Variants in COL3A1 observed in about 807,000 individuals in gnomAD.
COL3A1 encodes collagen alpha-1(III) chain.
Under a neutral mutation model 200.9 loss-of-function variants are expected in COL3A1, and 46 were observed. That is an observed-to-expected ratio of 0.23 (90% CI 0.18 to 0.29). COL3A1 has a LOEUF of 0.29. Ranked by LOEUF, COL3A1 falls within the 10% of genes least tolerant of loss-of-function variation. The pLI is 1.00. For missense variants in COL3A1, 1,367 were observed against 1,917.6 expected (o/e 0.71, Z 5.36); for synonymous variants, 650 against 628.0 (o/e 1.03, Z -0.52).
chr2:188,994,908 G>A lies in COL3A1; in HGVS notation c.1455+77G>A. The A allele has an allele frequency of 1.3e-6, 2 of 1,572,024 alleles. No individual in the cohort carries two copies. Among genetic ancestry groups the A allele is most frequent in the Non-Finnish European group, 1.8e-6 (2 of 1,142,810 alleles). On this transcript the variant is annotated intron_variant, in intron 20 of 50. Coordinates refer to ENST00000304636, the MANE Select transcript of COL3A1 (RefSeq NM_000090.4). This position sits in a 1 kb window ranked among gnomAD's most constrained non-coding sequence, Gnocchi z 4.5. ...ATAAAACTACCTTCAGGGTGAGACA[G>A]CCAATTTTTCTTAAGTTGAGTGTTC...
chr2:188,979,694 A>ATC (rs1041094285), intron 1 of COL3A1, among the ~76,000 whole-genome samples: 11 of 151,812 alleles, frequency 7.2e-5, no homozygotes, highest in Non-Finnish European at 4.4e-5. Flanking sequence ...AAATATACCT[A>ATC]TCTAGATTCA....
At chr2:188,993,630 A>AT (rs1219265496) in intron 16 of COL3A1, among the ~76,000 whole-genome samples, 171 bp downstream of exon 16, 1 of 152,206 alleles carries the variant, frequency 6.6e-6, no homozygotes, top group African/African-American at 2.4e-5. Flanking sequence ...ACACATACTG[A>AT]TTTGATTAGT....
rs1234463739 is a variant in COL3A1, at chr2:188,985,850, T to A, written c.447+72T>A. On this transcript the variant is annotated intron_variant, in intron 4 of 50. Coordinates refer to ENST00000304636, the MANE Select transcript of COL3A1 (RefSeq NM_000090.4). ...GTTCATCTTCTTTCTTTACTCGATATTACGTCTCACTATTATGAGTTCTTT... is the reference window on the plus strand; with the variant it reads ...GTTCATCTTCTTTCTTTACTCGATAATACGTCTCACTATTATGAGTTCTTT... The A allele has an allele frequency of 4.0e-6, 4 of 994,378 alleles. No individual in the cohort carries two copies. In the Admixed American group the frequency reaches 7.5e-5, roughly 19 times the overall value. The allele number at this position is 994,378 out of a possible 1,614,324, so 61.6% of individuals were successfully genotyped here.
chr2:189,011,898 G>T lies in COL3A1; in HGVS notation c.*124G>T. The T allele has an allele frequency of 9.3e-7, 1 of 1,079,646 alleles. No homozygotes were observed. The highest frequency in any genetic ancestry group is 1.4e-5 in the South Asian group (1 of 72,102). The allele number at this position is 1,079,646 out of a possible 1,614,324, so 66.9% of individuals were successfully genotyped here. A position where few individuals can be genotyped will look rare whatever the true frequency, so the allele number is the denominator to read the frequency against. ...CAGTTATTTATTTCCAAAATGTTTGGAAACAGTATAATTTGACAAAGAAAA... is the reference window on the plus strand; with the variant it reads ...CAGTTATTTATTTCCAAAATGTTTGTAAACAGTATAATTTGACAAAGAAAA... On this transcript the variant is annotated 3_prime_UTR_variant, in exon 51 of 51. Transcript: ENST00000304636.
intron 1 of COL3A1, among the ~76,000 whole-genome samples, chr2:188,978,389 G>C (rs188981513): frequency 5.2e-4 from 79 of 152,036 alleles, no homozygotes; most frequent in Non-Finnish European, 9.6e-4. Flanking sequence ...AGCTCCTCAG[G>C]AAAGCCCCTG....
At chr2:188,977,340 G>T (rs548739481) in intron 1 of COL3A1, among the ~76,000 whole-genome samples, 10 of 152,156 alleles carry the variant, frequency 6.6e-5, no homozygotes, top group African/African-American at 2.4e-4. Flanking sequence ...AAAATAAACT[G>T]TAGGCCTCTA....
At chr2:188,988,937 C>G (rs1688119401) in intron 7 of COL3A1, among the ~76,000 whole-genome samples, 1 of 151,424 alleles carries the variant, frequency 6.6e-6, no homozygotes, top group Non-Finnish European at 1.5e-5. Flanking sequence ...TGTAAACACT[C>G]AGTTCACTCA....
At position 188,974,494 on chromosome 2, in the gene COL3A1, T is replaced by C. The variant is rs1687765186; in HGVS notation, c.5T>C (p.Met2Thr). The C allele has an allele frequency of 1.2e-6, 2 of 1,612,538 alleles. No individual in the cohort carries two copies. Among genetic ancestry groups the C allele is most frequent in the Non-Finnish European group, 1.7e-6 (2 of 1,178,538 alleles). MMSFVQKGSWLL... is the reference protein window; with the variant it reads MTSFVQKGSWLL... ...TCTCATGTCTGATATTTAGACATGA[T>C]GAGCTTTGTGCAAAAGGGGAGCTGG... is the stretch of plus-strand genomic sequence containing the variant. Residue 2 changes from methionine to threonine, a missense_variant, in exon 1 of 51, where the codon ATG (methionine) becomes ACG (threonine). Physicochemically the swap from Met to Thr is moderately conservative, Grantham distance 81 (BLOSUM62 -1). Transcript: ENST00000304636.
At position 189,005,398 on chromosome 2, in the gene COL3A1, C is replaced by A. The variant is rs142457159; in HGVS notation, c.2980C>A (p.Pro994Thr). Residue 994 changes from proline (P) to threonine (T), a missense_variant, in exon 41 of 51, where the codon CCC becomes ACC. This residue lies in a region of COL3A1 where 846 missense variants were observed against 1,147.9 expected (regional missense o/e 0.74). Transcript: ENST00000304636. ...TAACGGTCTCAGTGGAGAACGTGGT[C>A]CCCCTGGACCCCAGGGTCTTCCTGG... ...GANGLSGERGPPGPQGLPGLA... is the reference protein window; with the variant it reads ...GANGLSGERGTPGPQGLPGLA... The A allele has an allele frequency of 6.2e-7, 1 of 1,614,016 alleles. No homozygotes were observed. Among genetic ancestry groups the A allele is most frequent in the South Asian group, 1.1e-5 (1 of 91,068 alleles).
intron 49 of COL3A1, 105 bp downstream of exon 49, chr2:189,010,470 T>C (rs1688697405): frequency 6.7e-7 from 1 of 1,490,040 alleles, no homozygotes; most frequent in South Asian, 1.2e-5. Context: ...ACAAACATAA[T>C]TGCAGTTTTT....
Position 189,006,455 on chromosome 2 carries a change from G to A in COL3A1, c.3201+3G>A. 1 of 1,613,654 alleles carries A rather than the reference G, an allele frequency of 6.2e-7. No homozygotes were observed. Among genetic ancestry groups the A allele is most frequent in the African/African-American group, 1.3e-5 (1 of 74,990 alleles). ...AGAGTGGTGACAGAGGAGAAAGTGT[G>A]AGTTCCCAAAAGCAGCATCTGTCTT... is the stretch of plus-strand genomic sequence containing the variant. On this transcript the variant is annotated splice_donor_region_variant and intron_variant, in intron 43 of 50. Coordinates refer to ENST00000304636, the MANE Select transcript of COL3A1 (RefSeq NM_000090.4).
chr2:189,001,694 T>C (rs1688467733), intron 34 of COL3A1, 105 bp downstream of exon 34: 3 of 1,113,974 alleles, frequency 2.7e-6, no homozygotes. Flanking sequence ...TGAGCCTCAA[T>C]TTGGAGATAT....
intron 3 of COL3A1, 104 bp from the exon 4 acceptor site, chr2:188,985,561 T>G: frequency 1.3e-6 from 1 of 756,454 alleles, no homozygotes; most frequent in Non-Finnish European, 2.2e-6. Flanking sequence ...AATATATTAC[T>G]TATATTGTTT....
chr2:189,001,708 C>T lies in COL3A1; in HGVS notation c.2391+119C>T, dbSNP rs954806553. On this transcript the variant is annotated intron_variant, in intron 34 of 50. Coordinates refer to ENST00000304636, the MANE Select transcript of COL3A1 (RefSeq NM_000090.4). ...CTGAGCCTCAATTTGGAGATATTAT[C>T]TTCAAAAACCATATAAGGAACCATA... is the stretch of plus-strand genomic sequence containing the variant. 24 of 1,003,302 alleles carry T rather than the reference C, an allele frequency of 2.4e-5. No individual in the cohort carries two copies. In the African/African-American group the frequency reaches 3.5e-4, roughly 15 times the overall value. 62.1% of individuals were successfully genotyped at this position (1,003,302 alleles called of 1,614,324 possible). A position where few individuals can be genotyped will look rare whatever the true frequency, so the allele number is the denominator to read the frequency against.
intron 13 of COL3A1, 75 bp from the exon 14 acceptor site, chr2:188,992,109 A>C: frequency 1.1e-5 from 16 of 1,461,418 alleles, no homozygotes; most frequent in Non-Finnish European, 1.5e-5. Flanking sequence ...CTTGAGTCAG[A>C]ATTTTGGTCA....
At chr2:188,989,551 A>G in intron 8 of COL3A1, 102 bp downstream of exon 8, 2 of 872,150 alleles carry the variant, frequency 2.3e-6, no homozygotes, top group Non-Finnish European at 1.8e-6. Context: ...AAAAAATGTT[A>G]TTCAAAATAT....
At chr2:189,011,530 G>C (rs957657830) in intron 50 of COL3A1, 98 bp from the exon 51 acceptor site, 6 of 1,382,950 alleles carry the variant, frequency 4.3e-6, no homozygotes, top group African/African-American at 4.3e-5. Context: ...CACGATGAAT[G>C]CTTCTTTAGA....
At chr2:188,989,554 C>T (rs1688135570) in intron 8 of COL3A1, 105 bp downstream of exon 8, 2 of 866,516 alleles carry the variant, frequency 2.3e-6, no homozygotes, top group Non-Finnish European at 3.7e-6. Flanking sequence ...AAATGTTATT[C>T]AAAATATTGT....
At chr2:188,992,346 T>C in intron 14 of COL3A1, 118 bp downstream of exon 14, 2 of 849,708 alleles carry the variant, frequency 2.4e-6, no homozygotes, top group African/African-American at 1.7e-5. Flanking sequence ...TATGTATATC[T>C]CTAATATACA....
Sources: allele counts gnomAD v4.1 joint callset (sites outside exome capture counted in the v4.1 genomes callset), GRCh38; gene constraint gnomAD v4.1.1; regional missense constraint gnomAD v4.1.1; non-coding constraint Gnocchi (gnomAD v3.1); transcripts MANE v1.5; gene names NCBI Gene and HGNC (gene_info 2026-07-23, HGNC 2026-07-21).